GRM7: variants seen among roughly 807,000 people sequenced by gnomAD.
GRM7 encodes the protein metabotropic glutamate receptor 7.
A neutral mutation model predicts 84.5 loss-of-function variants in GRM7; 35 were observed. The ratio of observed to expected loss-of-function variants is 0.41; its 90% confidence interval spans 0.32 to 0.55. The LOEUF is 0.55. Ranked by LOEUF, GRM7 falls within the 20% of genes least tolerant of loss-of-function variation. GRM7 has a pLI of 0.19. For missense variants in GRM7, 1,003 were observed against 1,194.6 expected (o/e 0.84, Z 2.36); for synonymous variants, 487 against 455.1 (o/e 1.07, Z -0.89).
Position 7,012,358 on chromosome 3 carries a change from C to T in GRM7, c.520-134094C>T, listed in dbSNP as rs1364695383. Among the ~76,000 whole-genome samples, 6 of 152,206 alleles carry T rather than the reference C, an allele frequency of 3.9e-5. No homozygotes were observed. In the East Asian group the frequency reaches 5.8e-4, roughly 15 times the overall value. ...TCTTTTTTCAATTATGTAAAATCTT[C>T]GCATTTTAAAAACTGTTCTTTACAA... On this transcript the variant is annotated intron_variant, in intron 1 of 9. Coordinates refer to ENST00000357716, the MANE Select transcript of GRM7 (RefSeq NM_000844.4).
At chr3:7,413,925 C>T (rs17047289) in intron 4 of GRM7, among the ~76,000 whole-genome samples, 7,067 of 152,100 alleles carry the variant, frequency 0.046, 478 homozygotes, top group African/African-American at 0.15. Context: ...GATGCAATTC[C>T]CACCAAAATG....
At chr3:7,099,554 T>C (rs967679737) in intron 1 of GRM7, among the ~76,000 whole-genome samples, 5 of 147,198 alleles carry the variant, frequency 3.4e-5, no homozygotes, top group Non-Finnish European at 6.0e-5. Flanking sequence ...CATATATGTA[T>C]ATGTACACGC....
chr3:7,003,794 C>A (rs542250685), intron 1 of GRM7, among the ~76,000 whole-genome samples: 1 of 152,286 alleles, frequency 6.6e-6, no homozygotes, highest in Non-Finnish European at 1.5e-5. Context: ...CTTAAAGCAA[C>A]AATAAACACT....
rs144096162 is a variant in GRM7 at position 7,009,841 on chromosome 3, C to G, written c.520-136611C>G. ...ATGGGCTTTGGGAATCTGAGAAACC[C>G]CTGAAATTGAGTGCAATACATTGTA... On this transcript the variant is annotated intron_variant, in intron 1 of 9. Coordinates refer to ENST00000357716, the MANE Select transcript of GRM7 (RefSeq NM_000844.4). Among the ~76,000 whole-genome samples, 179 of 152,190 alleles carry G rather than the reference C, an allele frequency of 1.2e-3. 2 individuals carry two copies. The highest frequency in any genetic ancestry group is 4.2e-3 in the African/African-American group (175 of 41,538).
At chr3:7,185,110 C>A (rs1473536188) in intron 2 of GRM7, among the ~76,000 whole-genome samples, 2 of 152,094 alleles carry the variant, frequency 1.3e-5, no homozygotes, top group Non-Finnish European at 2.9e-5. Context: ...TTAGTAAGTG[C>A]AAAAGCCAGT....
intron 7 of GRM7, among the ~76,000 whole-genome samples, chr3:7,485,727 G>A (rs1352455692): frequency 6.6e-6 from 1 of 152,130 alleles, no homozygotes; most frequent in Non-Finnish European, 1.5e-5. Flanking sequence ...CCTTTCTGCT[G>A]TCTTAATTTT....
intron 7 of GRM7, among the ~76,000 whole-genome samples, chr3:7,475,508 G>A (rs540036447): frequency 6.6e-5 from 10 of 152,040 alleles, no homozygotes; most frequent in African/African-American, 2.2e-4. Context: ...TTTAAGTGCC[G>A]TTTACAGGAT....
chr3:6,968,953 A>G (rs1275869270), intron 1 of GRM7, among the ~76,000 whole-genome samples: 3 of 152,198 alleles, frequency 2.0e-5, no homozygotes, highest in African/African-American at 7.2e-5. Flanking sequence ...AAATCTACCA[A>G]AAATTGAATG....
chr3:6,950,394 G>T (rs768885992), intron 1 of GRM7, among the ~76,000 whole-genome samples: 7 of 152,210 alleles, frequency 4.6e-5, no homozygotes, highest in Non-Finnish European at 8.8e-5. Flanking sequence ...TGCAAATGCT[G>T]CTACCTGATC....
intron 4 of GRM7, among the ~76,000 whole-genome samples, chr3:7,376,617 G>T (rs1379805704): frequency 6.6e-5 from 10 of 152,184 alleles, no homozygotes; most frequent in African/African-American, 2.4e-4. Flanking sequence ...GTGACCCGCT[G>T]CCCTGAATGC....
intron 1 of GRM7, among the ~76,000 whole-genome samples, chr3:7,080,686 G>GTA (rs1160085489): frequency 1.2e-4 from 17 of 139,566 alleles, no homozygotes; most frequent in African/African-American, 2.8e-4. Context: ...GTGTATATTT[G>GTA]TATATATATA....
intron 2 of GRM7, among the ~76,000 whole-genome samples, chr3:7,187,154 A>G (rs983905917): frequency 6.6e-6 from 1 of 152,134 alleles, no homozygotes; most frequent in Non-Finnish European, 1.5e-5. Context: ...ATCTTCATCA[A>G]TTAAATGCTT....
At chr3:7,021,311 C>T (rs1695766347) in intron 1 of GRM7, among the ~76,000 whole-genome samples, 1 of 152,160 alleles carries the variant, frequency 6.6e-6, no homozygotes, top group Admixed American at 6.5e-5. Flanking sequence ...TGAATTGATT[C>T]TATACCCTCC....
chr3:7,028,937 G>A (rs1696080417), intron 1 of GRM7, among the ~76,000 whole-genome samples: 1 of 152,210 alleles, frequency 6.6e-6, no homozygotes, highest in African/African-American at 2.4e-5. Flanking sequence ...GTGCACTGCT[G>A]TTGGGAATGT....
intron 7 of GRM7, among the ~76,000 whole-genome samples, chr3:7,500,061 C>A (rs923534566): frequency 6.6e-6 from 1 of 152,114 alleles, no homozygotes; most frequent in Non-Finnish European, 1.5e-5. Context: ...GGCATGGACA[C>A]CATTCTTTCT....
intron 5 of GRM7, among the ~76,000 whole-genome samples, chr3:7,423,497 T>C (rs1384415284): frequency 6.6e-6 from 1 of 152,118 alleles, no homozygotes; most frequent in Non-Finnish European, 1.5e-5. Context: ...TTATAAGCAA[T>C]AGAAGTATTA....
intron 1 of GRM7, among the ~76,000 whole-genome samples, chr3:7,094,328 T>C (rs1698777986): frequency 6.6e-6 from 1 of 152,192 alleles, no homozygotes; most frequent in Non-Finnish European, 1.5e-5. Context: ...AATGAGTTCA[T>C]GCATTCCAGG....
At chr3:7,237,032 G>C (rs1697371729) in intron 2 of GRM7, among the ~76,000 whole-genome samples, 1 of 152,090 alleles carries the variant, frequency 6.6e-6, no homozygotes, top group African/African-American at 2.4e-5. Flanking sequence ...ATACAGCCCG[G>C]TCATCAGTGC....
At chr3:7,416,984 C>T (rs560499564) in intron 5 of GRM7, among the ~76,000 whole-genome samples, 16 of 152,088 alleles carry the variant, frequency 1.1e-4, no homozygotes, top group South Asian at 2.1e-4. Flanking sequence ...GGTTGATGGA[C>T]GTTAGGATTG....
Sources: gnomAD v4.1 joint callset for allele counts (sites outside exome capture counted in the v4.1 genomes callset) on GRCh38, gnomAD v4.1.1 for gene constraint, MANE v1.5 for transcripts, NCBI Gene and HGNC (gene_info 2026-07-23, HGNC 2026-07-21) for gene names.